Variants in ACOXL observed in about 807,000 individuals in gnomAD.
ACOXL encodes acyl-coenzyme A oxidase-like protein.
Under a neutral mutation model 71.9 loss-of-function variants are expected in ACOXL, and 70 were observed. The ratio of observed to expected loss-of-function variants is 0.97; its 90% CI spans 0.80 to 1.19. The LOEUF (loss-of-function observed/expected upper bound fraction) is 1.19. ACOXL is among the 50% of genes most tolerant of loss of function. The pLI is 0.00. For synonymous variants in ACOXL, 253 were observed against 281.6 expected, an observed-to-expected ratio of 0.90 and a Z score of 1.02; for missense variants, 703 against 736.3, an observed-to-expected ratio of 0.95 and a Z score of 0.52.
intron 9 of ACOXL, among the ~76,000 whole-genome samples, chr2:110,831,616 AG>A (rs1425094809): frequency 6.6e-6 from 1 of 152,240 alleles, no homozygotes; most frequent in Non-Finnish European, 1.5e-5. Flanking sequence ...GGAGGGCAAA[AG>A]AATAGATAAA....
At chr2:110,993,639 C>G (rs1006155186) in intron 13 of ACOXL, among the ~76,000 whole-genome samples, 5 of 152,130 alleles carry the variant, frequency 3.3e-5, no homozygotes, top group Non-Finnish European at 7.4e-5. Flanking sequence ...TTCTCTTAGG[C>G]AATTAGTAGG....
At chr2:111,107,220 G>T (rs2069602611) in intron 17 of ACOXL, among the ~76,000 whole-genome samples, 1 of 152,176 alleles carries the variant, frequency 6.6e-6, no homozygotes, top group African/African-American at 2.4e-5. Flanking sequence ...GTTCCAGGTT[G>T]CCAGCTTTTT....
At chr2:111,036,447 G>T (rs77448115) in intron 15 of ACOXL, among the ~76,000 whole-genome samples, 3 of 152,194 alleles carry the variant, frequency 2.0e-5, no homozygotes, top group Admixed American at 6.5e-5. Context: ...CAGTGAGAAG[G>T]TCTGTTGCAC....
chr2:110,754,554 A>G (rs1056783491), intron 1 of ACOXL, among the ~76,000 whole-genome samples: 1 of 152,248 alleles, frequency 6.6e-6, no homozygotes, highest in Non-Finnish European at 1.5e-5. Flanking sequence ...TTGAAAATTT[A>G]TAAAATTGGA....
chr2:110,908,957 A>G (rs1473468552), intron 11 of ACOXL, 52 bp downstream of exon 11: 8 of 1,322,600 alleles, frequency 6.0e-6, no homozygotes, highest in Non-Finnish European at 8.5e-6. Flanking sequence ...ATACCCTGGC[A>G]TGAGTAAGAA....
chr2:110,962,539 A>C (rs2061739972), intron 12 of ACOXL, among the ~76,000 whole-genome samples: 1 of 152,334 alleles, frequency 6.6e-6, no homozygotes, highest in East Asian at 1.9e-4. Context: ...CGGGCCTTCC[A>C]GGGTGGTTCT....
intron 16 of ACOXL, among the ~76,000 whole-genome samples, chr2:111,082,759 C>A (rs2067994152): frequency 6.6e-6 from 1 of 152,216 alleles, no homozygotes; most frequent in South Asian, 2.1e-4. Flanking sequence ...GCACTGTTCA[C>A]AATAGCAAAA....
At chr2:110,755,980 A>G (rs1573359089) in intron 1 of ACOXL, among the ~76,000 whole-genome samples, 1 of 152,290 alleles carries the variant, frequency 6.6e-6, no homozygotes, top group East Asian at 1.9e-4. Context: ...CATTATTCTC[A>G]TCCCTTGTAG....
chr2:111,069,353 T>C (rs2067229628), intron 16 of ACOXL, among the ~76,000 whole-genome samples: 1 of 152,086 alleles, frequency 6.6e-6, no homozygotes, highest in Non-Finnish European at 1.5e-5. Flanking sequence ...GGTTTCACCA[T>C]GTTGGCCAGG....
At chr2:111,044,419 C>T (rs543932073) in intron 15 of ACOXL, among the ~76,000 whole-genome samples, 2 of 152,250 alleles carry the variant, frequency 1.3e-5, no homozygotes, top group African/African-American at 4.8e-5. Context: ...GGGCAGTACC[C>T]ATAGCCCCAT....
intron 12 of ACOXL, among the ~76,000 whole-genome samples, chr2:110,967,296 T>C (rs892302834): frequency 6.6e-6 from 1 of 152,012 alleles, no homozygotes; most frequent in Non-Finnish European, 1.5e-5. Flanking sequence ...TGATAGAGGG[T>C]GGAATCAGTG....
At chr2:110,835,951 T>G (rs1690407146) in intron 9 of ACOXL, among the ~76,000 whole-genome samples, 1 of 152,166 alleles carries the variant, frequency 6.6e-6, no homozygotes, top group Non-Finnish European at 1.5e-5. Context: ...GTAGGTAACA[T>G]TATCCTCATT....
intron 14 of ACOXL, among the ~76,000 whole-genome samples, chr2:111,031,233 G>A (rs559287810): frequency 1.3e-5 from 2 of 152,168 alleles, no homozygotes; most frequent in Non-Finnish European, 1.5e-5. Flanking sequence ...GACTGCAAGG[G>A]AAGGAAGGAG....
At chr2:111,104,854 A>G (rs1415143317) in intron 17 of ACOXL, among the ~76,000 whole-genome samples, 1 of 152,054 alleles carries the variant, frequency 6.6e-6, no homozygotes, top group East Asian at 1.9e-4. Flanking sequence ...TTTTCCTTTT[A>G]TGGACTGTAA....
chr2:111,064,871 T>C (rs2066989584), intron 16 of ACOXL, among the ~76,000 whole-genome samples: 1 of 152,190 alleles, frequency 6.6e-6, no homozygotes, highest in East Asian at 1.9e-4. Flanking sequence ...AGCTATAAAA[T>C]GGAGAGATAT....
chr2:110,994,573 T>A (rs981215373), intron 13 of ACOXL, among the ~76,000 whole-genome samples: 1 of 152,182 alleles, frequency 6.6e-6, no homozygotes, highest in Middle Eastern at 3.2e-3. Flanking sequence ...GAATTAACCC[T>A]TCCCCTGGTT....
intron 16 of ACOXL, among the ~76,000 whole-genome samples, chr2:111,087,850 G>A (rs2068296642): frequency 6.6e-6 from 1 of 152,124 alleles, no homozygotes; most frequent in South Asian, 2.1e-4. Context: ...TATCAACAGG[G>A]TGAACAACCA....
At chr2:110,809,620 A>G (rs973304681) in intron 9 of ACOXL, among the ~76,000 whole-genome samples, 4 of 152,188 alleles carry the variant, frequency 2.6e-5, no homozygotes, top group Non-Finnish European at 5.9e-5. Context: ...ATTGTTGGGT[A>G]TGAGTGAAGG....
At chr2:111,031,920 C>A (rs2065291315) in intron 15 of ACOXL, among the ~76,000 whole-genome samples, 2 of 152,214 alleles carry the variant, frequency 1.3e-5, no homozygotes, top group Non-Finnish European at 2.9e-5. Flanking sequence ...GACCATATGA[C>A]ACCCACAAAG....
Sources: allele counts gnomAD v4.1 joint callset (sites outside exome capture counted in the v4.1 genomes callset), GRCh38; gene constraint gnomAD v4.1.1; transcripts MANE v1.5; gene names NCBI Gene and HGNC (gene_info 2026-07-23, HGNC 2026-07-21).